YPEL5: variants seen among roughly 807,000 people sequenced by gnomAD.
The protein encoded by YPEL5 is yippee like 5.
A neutral mutation model predicts 10.5 loss-of-function variants in YPEL5; 1 was observed. The ratio of observed to expected loss-of-function variants is 0.10; its 90% confidence interval spans 0.03 to 0.45. The LOEUF (loss-of-function observed/expected upper bound fraction) is 0.45, where lower values mean the gene tolerates loss of function less well. Among genes scored for constraint, YPEL5 ranks in the 20% least tolerant of loss-of-function variants. The pLI, the probability that YPEL5 is intolerant of heterozygous loss-of-function variation, is 0.97. For missense variants in YPEL5, 68 were observed against 159.3 expected, an observed-to-expected ratio of 0.43 and a Z score of 3.09; for synonymous variants, 61 against 56.6, an observed-to-expected ratio of 1.08 and a Z score of -0.35.
At chr2:30,152,103 T>C (rs1035117836) in intron 1 of YPEL5, among the ~76,000 whole-genome samples, 1 of 152,186 alleles carries the variant, frequency 6.6e-6, no homozygotes, top group Non-Finnish European at 1.5e-5. Context: ...TAGAAGTCAT[T>C]GAATTGTACA....
intron 1 of YPEL5, among the ~76,000 whole-genome samples, chr2:30,150,239 A>G (rs1289127884): frequency 6.6e-6 from 1 of 152,360 alleles, no homozygotes; most frequent in East Asian, 1.9e-4. Context: ...CATCTGTCAT[A>G]GGGTGAGTTG....
chr2:30,148,447 C>T (rs1490580306), intron 1 of YPEL5: 1 of 152,200 alleles, frequency 6.6e-6, no homozygotes, highest in Non-Finnish European at 1.5e-5. Flanking sequence ...AACCAAAAGG[C>T]CTGTGGTGTT....
At chr2:30,156,888 A>G in intron 2 of YPEL5, 96 bp downstream of exon 2, 6 of 1,406,482 alleles carry the variant, frequency 4.3e-6, no homozygotes, top group Non-Finnish European at 5.9e-6. Flanking sequence ...TACCAGGAAG[A>G]GTCAGAATGA....
chr2:30,151,475 G>T (rs1675789493), intron 1 of YPEL5, among the ~76,000 whole-genome samples: 1 of 152,174 alleles, frequency 6.6e-6, no homozygotes, highest in Non-Finnish European at 1.5e-5. Flanking sequence ...TACGATCTAT[G>T]AAATTATCTA....
At position 30,159,776 on chromosome 2, in the gene YPEL5, C is replaced by G. The variant is rs563269320; in HGVS notation, c.*933C>G. Reference sequence around the variant, plus strand: ...GCATTCATGCAAAAAAACATTTAATCTGCATCTGTTTTAGAAAAGGGGGAA... The same window carrying G: ...GCATTCATGCAAAAAAACATTTAATGTGCATCTGTTTTAGAAAAGGGGGAA... On this transcript the variant is annotated 3_prime_UTR_variant, in exon 3 of 3. Coordinates refer to ENST00000261353, the MANE Select transcript of YPEL5 (RefSeq NM_016061.3). 2.6e-5 allele frequency: 4 copies of G among 152,310 alleles called. No homozygotes were observed. In the South Asian group the frequency reaches 6.2e-4, roughly 24 times the overall value. 9.4% of individuals were successfully genotyped at this position (152,310 alleles called of 1,614,324 possible). A position where few individuals can be genotyped will look rare whatever the true frequency, so the allele number is the denominator to read the frequency against.
At chr2:30,151,833 A>G (rs1004055890) in intron 1 of YPEL5, among the ~76,000 whole-genome samples, 6 of 152,222 alleles carry the variant, frequency 3.9e-5, no homozygotes, top group African/African-American at 1.4e-4. Flanking sequence ...TGTCTGTGAA[A>G]GCAGCTCACT....
Position 30,158,952 on chromosome 2 carries a change from C to A in YPEL5, c.*109C>A. The A allele has an allele frequency of 9.9e-7, 1 of 1,013,374 alleles. No individual in the cohort carries two copies. Among genetic ancestry groups the A allele is most frequent in the Non-Finnish European group, 1.4e-6 (1 of 695,994 alleles). 62.8% of individuals were successfully genotyped at this position (1,013,374 alleles called of 1,614,324 possible). ...AGAGTCGGATTAATGAACTGCGGAA[C>A]AAGAGGTTGTGAGAATCTAAGATGG... On this transcript the variant is annotated 3_prime_UTR_variant, in exon 3 of 3. Coordinates refer to ENST00000261353, the MANE Select transcript of YPEL5 (RefSeq NM_016061.3).
At chr2:30,148,278 C>T (rs569286740) in intron 1 of YPEL5, 5 of 152,338 alleles carry the variant, frequency 3.3e-5, no homozygotes, top group South Asian at 2.1e-4. Flanking sequence ...TTTTATTCTA[C>T]GTCGTCTTGA....
At chr2:30,151,284 A>G (rs1395806467) in intron 1 of YPEL5, among the ~76,000 whole-genome samples, 1 of 152,166 alleles carries the variant, frequency 6.6e-6, no homozygotes, top group African/African-American at 2.4e-5. Flanking sequence ...GAAGAGAATC[A>G]TCTTTTTTTT....
chr2:30,157,472 G>A (rs1003975024), intron 2 of YPEL5, among the ~76,000 whole-genome samples: 3 of 152,212 alleles, frequency 2.0e-5, no homozygotes, highest in East Asian at 1.9e-4. Context: ...ACTTGACAGC[G>A]AATAACGATC....
At chr2:30,147,796 C>T (rs1475535650) in intron 1 of YPEL5, 1 of 153,136 alleles carries the variant, frequency 6.5e-6, no homozygotes, top group Non-Finnish European at 1.5e-5. Context: ...GCCCCCCGGC[C>T]ACCCGCTCAG....
Position 30,158,816 on chromosome 2 carries a change from G to A in YPEL5, c.339G>A (p.Glu113=), listed in dbSNP as rs1292941544. 6.2e-7 allele frequency: 1 copy of A among 1,614,058 alleles called. No individual in the cohort carries two copies. Among genetic ancestry groups the A allele is most frequent in the African/African-American group, 1.3e-5 (1 of 74,934 alleles). ...RALVRESEGF[E]EHVPSDNS is the part of the protein sequence containing the mutation. Reference sequence around the variant, plus strand: ...TAGTTCGAGAGAGTGAGGGCTTTGAGGAGCATGTACCATCTGATAACTCTT... The same window carrying A: ...TAGTTCGAGAGAGTGAGGGCTTTGAAGAGCATGTACCATCTGATAACTCTT... The change falls in exon 3 of 3, where the codon GAG becomes GAA. Residue 113 remains glutamate (E), a synonymous_variant. Transcript: ENST00000261353.
chr2:30,152,613 C>T (rs895315043), intron 1 of YPEL5, among the ~76,000 whole-genome samples: 11 of 152,260 alleles, frequency 7.2e-5, no homozygotes, highest in East Asian at 1.9e-4. Context: ...ATCTGATAGC[C>T]CTCTAATCAC....
chr2:30,152,883 G>GTCC (rs10657601), intron 1 of YPEL5, among the ~76,000 whole-genome samples: 119,417 of 145,512 alleles, frequency 0.82, 49,547 homozygotes, highest in East Asian at 0.96. Context: ...TTTAATGACT[G>GTCC]TCCTTTGTTT....
At chr2:30,148,736 C>T (rs540299901) in intron 1 of YPEL5, among the ~76,000 whole-genome samples, 4 of 151,994 alleles carry the variant, frequency 2.6e-5, no homozygotes, top group Admixed American at 2.6e-4. Flanking sequence ...TTTCTGTTTT[C>T]TATTTAAGTA....
At chr2:30,154,829 C>G (rs1675965783) in intron 1 of YPEL5, among the ~76,000 whole-genome samples, 1 of 152,216 alleles carries the variant, frequency 6.6e-6, no homozygotes, top group African/African-American at 2.4e-5. Flanking sequence ...ACCTCTGCCT[C>G]CTGTGTTCAA....
At chr2:30,149,196 A>T (rs980112109) in intron 1 of YPEL5, among the ~76,000 whole-genome samples, 1 of 152,232 alleles carries the variant, frequency 6.6e-6, no homozygotes, top group Non-Finnish European at 1.5e-5. Context: ...CTTATTTTCT[A>T]ATATTTAAAT....
chr2:30,152,051 A>T (rs1258085561), intron 1 of YPEL5, among the ~76,000 whole-genome samples: 4 of 152,220 alleles, frequency 2.6e-5, no homozygotes, highest in African/African-American at 9.6e-5. Context: ...AAGCATTCTA[A>T]AGCCAATTGG....
At position 30,155,909 on chromosome 2, in the gene YPEL5, A is replaced by G. The variant is rs183660976; in HGVS notation, c.-24-719A>G. The G allele has an allele frequency of 4.1e-3, 630 of 152,420 alleles. 4 individuals are homozygous for G. Among genetic ancestry groups the G allele is most frequent in the African/African-American group, 0.015 (613 of 41,594 alleles). The allele number at this position is 152,420 out of a possible 1,614,324, so 9.4% of individuals were successfully genotyped here. ...TAGGATCATGGAAGAACTTTGAATTAGGTGAATTGCATTCTGTACTTTTCT... is the reference window on the plus strand; with the variant it reads ...TAGGATCATGGAAGAACTTTGAATTGGGTGAATTGCATTCTGTACTTTTCT... On this transcript the variant is annotated intron_variant, in intron 1 of 2. Transcript: ENST00000261353.
Sources: allele counts gnomAD v4.1 joint callset (sites outside exome capture counted in the v4.1 genomes callset), GRCh38; gene constraint gnomAD v4.1.1; transcripts MANE v1.5; gene names NCBI Gene and HGNC (gene_info 2026-07-23, HGNC 2026-07-21).